The following GRID1 variants were observed in gnomAD, a reference collection of about 807,000 sequenced individuals.
GRID1 encodes glutamate ionotropic receptor delta type subunit 1.
GRID1 carries 28 observed loss-of-function variants against 98.0 expected under a neutral mutation model. The ratio of observed to expected loss-of-function variants is 0.29; its 90% CI spans 0.21 to 0.39. The LOEUF (loss-of-function observed/expected upper bound fraction) is 0.39. Ranked by LOEUF, GRID1 falls within the 10% of genes least tolerant of loss-of-function variation. The probability of loss-of-function intolerance (pLI) is 1.00; values close to 1 mark genes in which losing one functional copy is unlikely to be tolerated. For synonymous variants in GRID1, 553 were observed against 538.5 expected (o/e 1.03, Z -0.37); for missense variants, 1,111 against 1,340.5 (o/e 0.83, Z 2.67).
intron 6 of GRID1, among the ~76,000 whole-genome samples, chr10:85,865,797 G>T (rs1199629153): frequency 1.3e-5 from 2 of 151,416 alleles, no homozygotes; most frequent in African/African-American, 4.9e-5. Flanking sequence ...CCAAGTAGTT[G>T]TTGGGCAGGA....
intron 4 of GRID1, among the ~76,000 whole-genome samples, chr10:85,982,835 A>T (rs1236207970): frequency 6.6e-6 from 1 of 152,162 alleles, no homozygotes; most frequent in Non-Finnish European, 1.5e-5. Context: ...GTCACTGAAA[A>T]AGAAACTCCC....
In GRID1 at chr10:85,782,272, A is replaced by G. The variant is rs114896749; in HGVS notation, c.1234-52658T>C. ...CGCACTTACACAGTAATCAGAATCC[A>G]CATTGTAACATCATGCAAGGAAAAT... On this transcript the variant is annotated intron_variant, in intron 8 of 15. Transcript: ENST00000327946. Among the ~76,000 whole-genome samples, 825 of 118,774 alleles carry G rather than the reference A, an allele frequency of 6.9e-3. 10 individuals carry two copies. Among genetic ancestry groups the G allele is most frequent in the African/African-American group, 0.025 (748 of 30,296 alleles). 77.9% of individuals were successfully genotyped at this position (118,774 alleles called of 152,430 possible). A position where few individuals can be genotyped will look rare whatever the true frequency, so the allele number is the denominator to read the frequency against.
chr10:86,184,019 C>T (rs1276698707), intron 3 of GRID1, among the ~76,000 whole-genome samples: 4 of 152,238 alleles, frequency 2.6e-5, no homozygotes, highest in Admixed American at 6.5e-5. Flanking sequence ...TTTTCCTAAT[C>T]AATAATTAGC....
chr10:86,208,527 T>A (rs988526396), intron 2 of GRID1, among the ~76,000 whole-genome samples: 1 of 152,114 alleles, frequency 6.6e-6, no homozygotes, highest in Non-Finnish European at 1.5e-5. Flanking sequence ...CCCAACCAAC[T>A]GCCCACCCTG....
intron 13 of GRID1, among the ~76,000 whole-genome samples, chr10:85,624,375 G>A (rs1297025848): frequency 6.6e-6 from 1 of 152,182 alleles, no homozygotes; most frequent in Non-Finnish European, 1.5e-5. Context: ...CATAAGGCTG[G>A]TGGAAACTTA....
intron 8 of GRID1, among the ~76,000 whole-genome samples, chr10:85,812,590 C>G (rs1278643897): frequency 6.6e-6 from 1 of 151,996 alleles, no homozygotes; most frequent in Non-Finnish European, 1.5e-5. Flanking sequence ...GGTAGGAATC[C>G]ATTACAGCCC....
chr10:85,641,545 G>A (rs947240453), intron 13 of GRID1, among the ~76,000 whole-genome samples: 1 of 152,182 alleles, frequency 6.6e-6, no homozygotes, highest in African/African-American at 2.4e-5. Context: ...CATGGGAAGA[G>A]GCACGAGTGG....
chr10:85,770,701 G>A (rs1054472382), intron 8 of GRID1, among the ~76,000 whole-genome samples: 35 of 152,204 alleles, frequency 2.3e-4, no homozygotes, highest in South Asian at 2.1e-4. Context: ...GAGCCGATGC[G>A]ATCAACTAGA....
chr10:85,971,848 C>T (rs1443785925), intron 4 of GRID1, among the ~76,000 whole-genome samples: 1 of 151,854 alleles, frequency 6.6e-6, no homozygotes, highest in African/African-American at 2.4e-5. Flanking sequence ...AGGTATATAC[C>T]CTAGATAAGT....
At chr10:86,230,245 A>C (rs12356011) in intron 2 of GRID1, among the ~76,000 whole-genome samples, 8 of 151,052 alleles carry the variant, frequency 5.3e-5, no homozygotes, top group East Asian at 2.0e-4. Context: ...ACCCTACCCC[A>C]ACCCAGACTG....
At chr10:85,742,005 C>T (rs1159571808) in intron 8 of GRID1, among the ~76,000 whole-genome samples, 1 of 152,168 alleles carries the variant, frequency 6.6e-6, no homozygotes, top group African/African-American at 2.4e-5. Context: ...TAAAGGCCTT[C>T]TCAGGTTCAA....
At chr10:85,838,274 T>G (rs140993486) in intron 8 of GRID1, among the ~76,000 whole-genome samples, 7 of 152,276 alleles carry the variant, frequency 4.6e-5, no homozygotes, top group Admixed American at 2.0e-4. Context: ...CCAACCTAGC[T>G]AGAGAGGTTA....
chr10:85,862,959 A>G (rs1843178737), intron 6 of GRID1, among the ~76,000 whole-genome samples: 1 of 152,098 alleles, frequency 6.6e-6, no homozygotes, highest in African/African-American at 2.4e-5. Context: ...GCTCAGAAAC[A>G]CTGCACATTC....
At chr10:85,973,947 T>C (rs1387870982) in intron 4 of GRID1, among the ~76,000 whole-genome samples, 1 of 152,214 alleles carries the variant, frequency 6.6e-6, no homozygotes, top group South Asian at 2.1e-4. Flanking sequence ...CAAAATCTCA[T>C]TATCACCCAA....
chr10:85,710,583 C>A (rs987810006), intron 12 of GRID1, among the ~76,000 whole-genome samples: 16 of 152,044 alleles, frequency 1.1e-4, no homozygotes, highest in African/African-American at 3.9e-4. Flanking sequence ...ACCTAAAGTA[C>A]AGGCAACAAG....
At chr10:85,632,815 CCTAT>C (rs1842990842) in intron 13 of GRID1, among the ~76,000 whole-genome samples, 1 of 152,202 alleles carries the variant, frequency 6.6e-6, no homozygotes, top group Non-Finnish European at 1.5e-5. Flanking sequence ...GTTTGCCACA[CCTAT>C]CAACCCATTA....
At chr10:85,652,257 A>C (rs2132558606) in intron 12 of GRID1, among the ~76,000 whole-genome samples, 1 of 152,372 alleles carries the variant, frequency 6.6e-6, no homozygotes, top group East Asian at 1.9e-4. Context: ...ATGTTCATTA[A>C]CAAAGAGATA....
chr10:85,692,754 C>G (rs1385113940), intron 12 of GRID1, among the ~76,000 whole-genome samples: 3 of 151,046 alleles, frequency 2.0e-5, no homozygotes, highest in Non-Finnish European at 2.9e-5. Flanking sequence ...TATATAGGAG[C>G]TGTCATAGAA....
intron 2 of GRID1, among the ~76,000 whole-genome samples, chr10:86,287,438 A>C (rs1847448318): frequency 6.6e-6 from 1 of 152,214 alleles, no homozygotes; most frequent in Non-Finnish European, 1.5e-5. Flanking sequence ...TGTTTTACCA[A>C]GTGTCTTCTG....
Sources: allele counts gnomAD v4.1 joint callset (sites outside exome capture counted in the v4.1 genomes callset), GRCh38; gene constraint gnomAD v4.1.1; transcripts MANE v1.5; gene names NCBI Gene and HGNC (gene_info 2026-07-23, HGNC 2026-07-21).